The following TM4SF20 variants were observed in gnomAD, a reference collection of about 807,000 sequenced individuals.
The protein encoded by TM4SF20 is transmembrane 4 L six family member 20, also known as transmembrane 4 L6 family member 20.
In TM4SF20, 13 loss-of-function variants were observed where a neutral mutation model predicts 15.1. That is an observed-to-expected ratio of 0.86 (90% confidence interval 0.56 to 1.36). The LOEUF is 1.36. TM4SF20 is among the 40% of genes most tolerant of loss of function. The pLI is 0.00. For missense variants in TM4SF20, 282 were observed against 268.4 expected (o/e 1.05, Z -0.35); for synonymous variants, 92 against 96.6 (o/e 0.95, Z 0.28).
intron 1 of TM4SF20, among the ~76,000 whole-genome samples, chr2:227,372,827 C>A (rs765403644): frequency 1.3e-5 from 2 of 152,106 alleles, no homozygotes; most frequent in Non-Finnish European, 2.9e-5. Context: ...ACCTCAGCCT[C>A]CCGAGTCGTT....
At chr2:227,364,520 G>A (rs114860500) in intron 3 of TM4SF20, among the ~76,000 whole-genome samples, 68 of 152,252 alleles carry the variant, frequency 4.5e-4, no homozygotes, top group African/African-American at 1.5e-3. Flanking sequence ...TAACGGGGCT[G>A]TGGAAAATGA....
intron 1 of TM4SF20, among the ~76,000 whole-genome samples, chr2:227,375,226 CA>C (rs1000446544): frequency 7.0e-4 from 106 of 150,652 alleles, no homozygotes; most frequent in African/African-American, 2.3e-3. Flanking sequence ...CATACCTGGC[CA>C]AAAAAAAATT....
At chr2:227,380,223 G>T (rs1165281162), upstream of TM4SF20, among the ~76,000 whole-genome samples, 2 of 152,222 alleles carry the variant, frequency 1.3e-5, no homozygotes, top group Non-Finnish European at 2.9e-5. Context: ...CCAGCTACTT[G>T]GGAGGCTGAG....
upstream of TM4SF20, among the ~76,000 whole-genome samples, chr2:227,379,881 T>C (rs183921736): frequency 1.2e-3 from 189 of 152,288 alleles, no homozygotes; most frequent in African/African-American, 4.4e-3. Flanking sequence ...AGGAGAGAGA[T>C]TGGATGAGGA....
rs1410955742 is a variant in TM4SF20 at position 227,363,930 on chromosome 2, T to G, written c.484A>C (p.Ser162Arg). The G allele has an allele frequency of 6.2e-7, 1 of 1,614,096 alleles. No individual in the cohort carries two copies. The highest frequency in any genetic ancestry group is 2.2e-5 in the East Asian group (1 of 44,900). Residue 162 changes from serine to arginine, a missense_variant, in exon 4 of 4, where the codon AGT becomes CGT. Transcript: ENST00000304568. Reference protein sequence around the residue: ...APPTGFNKPTSNDTMASGWRA... With the variant: ...APPTGFNKPTRNDTMASGWRA... The stretch of plus-strand genomic sequence containing the variant: ...CAGCCACTCGCCATGGTGTCGTTAC[T>G]GGTGGGTTTATTGAAACCAGTAGGA...
chr2:227,370,639 T>A (rs1194836987), intron 2 of TM4SF20, among the ~76,000 whole-genome samples: 1 of 152,078 alleles, frequency 6.6e-6, no homozygotes, highest in Non-Finnish European at 1.5e-5. Flanking sequence ...GCACCTGTAG[T>A]CCCAGCTATT....
intron 3 of TM4SF20, among the ~76,000 whole-genome samples, chr2:227,364,811 G>A (rs2076383126): frequency 6.6e-6 from 1 of 152,186 alleles, no homozygotes; most frequent in East Asian, 1.9e-4. Flanking sequence ...CTGGTGCCTG[G>A]TACATTGTGG....
rs2076365811 is a variant in TM4SF20, at chr2:227,362,324, G to T, written c.*1400C>A. The stretch of plus-strand genomic sequence containing the variant: ...AATGTAAACATAGGAAAATAGGAGG[G>T]TATAATGAATTGCCATGTACCTGTC... On this transcript the variant is annotated 3_prime_UTR_variant, in exon 4 of 4. Coordinates refer to ENST00000304568, the MANE Select transcript of TM4SF20 (RefSeq NM_024795.4). The T allele has an allele frequency of 6.6e-6, 1 of 152,098 alleles. No homozygotes were observed. Among genetic ancestry groups the T allele is most frequent in the Non-Finnish European group, 1.5e-5 (1 of 68,026 alleles). The allele number at this position is 152,098 out of a possible 1,614,324, so 9.4% of individuals were successfully genotyped here.
At chr2:227,365,994 C>T in intron 3 of TM4SF20, 99 bp downstream of exon 3, 4 of 1,253,006 alleles carry the variant, frequency 3.2e-6, no homozygotes, top group Non-Finnish European at 4.3e-6. Flanking sequence ...CCGGCAGTTG[C>T]ATCAAATAAA....
intron 2 of TM4SF20, among the ~76,000 whole-genome samples, chr2:227,366,601 T>A (rs1052735556): frequency 6.6e-6 from 1 of 151,468 alleles, no homozygotes; most frequent in African/African-American, 2.4e-5. Flanking sequence ...TGGTGGTGGA[T>A]GCCTGTGATC....
At chr2:227,366,047 G>A (rs376885777) in intron 3 of TM4SF20, 46 bp downstream of exon 3, 11 of 1,572,218 alleles carry the variant, frequency 7.0e-6, no homozygotes, top group East Asian at 4.5e-5. Context: ...AATCAAACTA[G>A]TTCAACTGTG....
At chr2:227,364,448 T>C (rs1318047431) in intron 3 of TM4SF20, among the ~76,000 whole-genome samples, 1 of 148,798 alleles carries the variant, frequency 6.7e-6, no homozygotes, top group Non-Finnish European at 1.5e-5. Context: ...GCGTCCGTTC[T>C]TCAACCAGAT....
chr2:227,365,431 A>G (rs148080295), intron 3 of TM4SF20, among the ~76,000 whole-genome samples: 39 of 152,304 alleles, frequency 2.6e-4, no homozygotes, highest in African/African-American at 8.9e-4. Flanking sequence ...TCAGTCACAG[A>G]ATGATGTACT....
At chr2:227,367,020 T>C (rs1051995307) in intron 2 of TM4SF20, among the ~76,000 whole-genome samples, 1 of 152,138 alleles carries the variant, frequency 6.6e-6, no homozygotes, top group African/African-American at 2.4e-5. Context: ...GTCAACAGCA[T>C]AGAGTTAGAA....
chr2:227,375,539 G>C (rs986225283), intron 1 of TM4SF20, among the ~76,000 whole-genome samples: 10 of 152,098 alleles, frequency 6.6e-5, no homozygotes, highest in Admixed American at 6.5e-4. Context: ...ACCTAGGCTG[G>C]AGTACAGTGG....
intron 3 of TM4SF20, 66 bp from the exon 4 acceptor site, chr2:227,364,078 G>T: frequency 6.9e-6 from 10 of 1,444,474 alleles, no homozygotes; most frequent in Non-Finnish European, 9.3e-6. Context: ...GTAGCATTGT[G>T]CACATAAAAG....
Position 227,375,656 on chromosome 2 carries a change from A to ATT in TM4SF20, c.183+3428_183+3429dup, listed in dbSNP as rs35817348. Among the ~76,000 whole-genome samples, 1,103 of 151,744 alleles carry ATT rather than the reference A, an allele frequency of 7.3e-3. 14 individuals carry two copies. Among genetic ancestry groups the ATT allele is most frequent in the African/African-American group, 0.025 (1,050 of 41,354 alleles). On this transcript the variant is annotated intron_variant, in intron 1 of 3. Coordinates refer to ENST00000304568, the MANE Select transcript of TM4SF20 (RefSeq NM_024795.4). ...AGGAGCCCACCACCAAGCCTGGCTA[A>ATT]TTTTTTATATTTTTAGTAGAGACGG...
At chr2:227,371,083 G>T (rs575475269) in intron 1 of TM4SF20, 103 bp from the exon 2 acceptor site, 6 of 1,023,908 alleles carry the variant, frequency 5.9e-6, no homozygotes, top group African/African-American at 3.2e-5. Context: ...GGAAATCAAG[G>T]CTCAAAGAAC....
At chr2:227,368,767 A>G (rs1560004508) in intron 2 of TM4SF20, among the ~76,000 whole-genome samples, 1 of 152,260 alleles carries the variant, frequency 6.6e-6, no homozygotes, top group African/African-American at 2.4e-5. Context: ...ATGATTCAGC[A>G]AAACCATTTT....
Sources: gnomAD v4.1 joint callset for allele counts (sites outside exome capture counted in the v4.1 genomes callset) on GRCh38, gnomAD v4.1.1 for gene constraint, MANE v1.5 for transcripts, NCBI Gene and HGNC (gene_info 2026-07-23, HGNC 2026-07-21) for gene names.